ATP6V1A: variants seen among roughly 807,000 people sequenced by gnomAD.
ATP6V1A encodes ATPase H+ transporting V1 subunit A.
ATP6V1A carries 18 observed loss-of-function variants against 70.1 expected under a neutral mutation model. The observed-to-expected ratio is 0.26, with a 90% CI of 0.18 to 0.38. The LOEUF (loss-of-function observed/expected upper bound fraction) is 0.38. Among genes scored for constraint, ATP6V1A ranks in the 10% least tolerant of loss-of-function variants. The pLI, the probability that ATP6V1A is intolerant of heterozygous loss-of-function variation, is 1.00. For synonymous variants in ATP6V1A, 232 were observed against 253.8 expected, an observed-to-expected ratio of 0.91 and a Z score of 0.82; for missense variants, 424 against 772.4, an observed-to-expected ratio of 0.55 and a Z score of 5.35.
At chr3:113,760,157 G>A (rs1227941094) in intron 1 of ATP6V1A, among the ~76,000 whole-genome samples, 1 of 152,154 alleles carries the variant, frequency 6.6e-6, no homozygotes, top group Admixed American at 6.5e-5. Context: ...TAAACTGTTA[G>A]AAACACAGAT....
chr3:113,754,612 A>G (rs1708626515), intron 1 of ATP6V1A, among the ~76,000 whole-genome samples: 2 of 152,096 alleles, frequency 1.3e-5, no homozygotes. Context: ...CAAATTTGGC[A>G]TGTTATTTTT....
intron 1 of ATP6V1A, among the ~76,000 whole-genome samples, chr3:113,750,986 A>G (rs557228348): frequency 6.6e-6 from 1 of 152,280 alleles, no homozygotes; most frequent in East Asian, 1.9e-4. Context: ...TTATTTGGGC[A>G]ACTGCAGTGT....
chr3:113,793,296 C>T (rs1483882140), intron 8 of ATP6V1A, among the ~76,000 whole-genome samples: 1 of 152,138 alleles, frequency 6.6e-6, no homozygotes, highest in Non-Finnish European at 1.5e-5. Flanking sequence ...CTCCTGACCT[C>T]GGGGGATCTG....
chr3:113,778,647 T>C, intron 1 of ATP6V1A, 94 bp from the exon 2 acceptor site: 3 of 565,120 alleles, frequency 5.3e-6, no homozygotes, highest in East Asian at 3.4e-5. Flanking sequence ...ACACCAAAGA[T>C]GAGAGTGGTC....
At chr3:113,766,413 A>G (rs1052069992) in intron 1 of ATP6V1A, among the ~76,000 whole-genome samples, 3 of 151,824 alleles carry the variant, frequency 2.0e-5, no homozygotes, top group Non-Finnish European at 4.4e-5. Context: ...CTCCACTTCA[A>G]CCTCCTAAGT....
Position 113,795,929 on chromosome 3 carries a change from G to C in ATP6V1A, c.1280G>C (p.Gly427Ala), listed in dbSNP as rs1216211715. The C allele has an allele frequency of 1.9e-6, 3 of 1,609,440 alleles. No homozygotes were observed. Among genetic ancestry groups the C allele is most frequent in the African/African-American group, 1.3e-5 (1 of 74,696 alleles). The change falls in exon 11 of 15, where the codon GGT becomes GCT. Residue 427 changes from glycine (G) to alanine (A), a missense_variant. This residue lies in a region of ATP6V1A where 58 missense variants were observed against 181.5 expected (regional missense o/e 0.32). Transcript: ENST00000273398. ...FSDPVTSATL[G>A]IVQVFWGLDK... is the part of the protein sequence containing the mutation. ...GATCCAGTTACATCTGCCACTCTTG[G>C]TATCGTTCAGGTATGTCTTTCCCTA...
intron 5 of ATP6V1A, among the ~76,000 whole-genome samples, chr3:113,785,506 CTTTTTTTTTTT>C (rs987781968): frequency 9.3e-6 from 1 of 107,174 alleles, no homozygotes; most frequent in Admixed American, 1.1e-4. Flanking sequence ...TTTTTCTTTT[CTTTTTTTTTTT>C]TTTTTTTTTG....
chr3:113,795,804 A>G lies in ATP6V1A; in HGVS notation c.1227-72A>G, dbSNP rs577960082. 22 of 1,158,158 alleles carry G rather than the reference A, an allele frequency of 1.9e-5. No homozygotes were observed. In the South Asian group the frequency reaches 2.9e-4, roughly 15 times the overall value. 71.7% of individuals were successfully genotyped at this position (1,158,158 alleles called of 1,614,324 possible). On this transcript the variant is annotated intron_variant, in intron 10 of 14. Transcript: ENST00000273398. ...GACTTTAAAAAAAGTTAACATTTAT[A>G]TATATGTTATTTTTCATAAGCATTT...
intron 12 of ATP6V1A, among the ~76,000 whole-genome samples, chr3:113,800,800 G>C (rs1245471454): frequency 1.3e-5 from 2 of 152,234 alleles, no homozygotes; most frequent in African/African-American, 4.8e-5. Flanking sequence ...TTTAGCAAAG[G>C]CCTACCCTGG....
chr3:113,772,588 C>T (rs898725735), intron 1 of ATP6V1A, among the ~76,000 whole-genome samples: 1 of 151,824 alleles, frequency 6.6e-6, no homozygotes, highest in Non-Finnish European at 1.5e-5. Context: ...ATTAGCCGGG[C>T]GTGGTGGCAG....
At chr3:113,791,277 G>A (rs1350942031) in intron 8 of ATP6V1A, among the ~76,000 whole-genome samples, 1 of 151,788 alleles carries the variant, frequency 6.6e-6, no homozygotes, top group Non-Finnish European at 1.5e-5. Flanking sequence ...TCTTTGTGTT[G>A]CTTCTAATGA....
chr3:113,763,663 A>G (rs1286595138), intron 1 of ATP6V1A, among the ~76,000 whole-genome samples: 2 of 152,148 alleles, frequency 1.3e-5, no homozygotes, highest in African/African-American at 2.4e-5. Context: ...TTCTAATACC[A>G]TATTTTGTTG....
At chr3:113,766,662 A>T (rs963147718) in intron 1 of ATP6V1A, among the ~76,000 whole-genome samples, 1 of 152,158 alleles carries the variant, frequency 6.6e-6, no homozygotes, top group Non-Finnish European at 1.5e-5. Context: ...CTAATTATGT[A>T]CCAAAGGCCT....
chr3:113,748,947 A>G (rs1481755660), intron 1 of ATP6V1A, among the ~76,000 whole-genome samples: 2 of 152,170 alleles, frequency 1.3e-5, no homozygotes, highest in African/African-American at 4.8e-5. Flanking sequence ...AGGAAGTGTT[A>G]CTTCAGTGAC....
At chr3:113,747,427 A>G (rs535233047) in intron 1 of ATP6V1A, 1 of 152,424 alleles carries the variant, frequency 6.6e-6, no homozygotes, top group South Asian at 2.1e-4. Context: ...TCTGCAGTAG[A>G]CATTAGGTCC....
chr3:113,780,965 G>C, intron 2 of ATP6V1A, 85 bp from the exon 3 acceptor site: 1 of 1,486,378 alleles, frequency 6.7e-7, no homozygotes, highest in Non-Finnish European at 9.0e-7. Context: ...CACAATACTG[G>C]GTTTATTGGG....
rs1369344918 is a variant in ATP6V1A at position 113,810,926 on chromosome 3, A to G, written c.*1499A>G. ...TGGCCACAGCAGCATACCAGTTTCC[A>G]TCCTAATAGGAATGAAATTAATTTT... On this transcript the variant is annotated 3_prime_UTR_variant, in exon 15 of 15. Transcript: ENST00000273398. The G allele has an allele frequency of 6.6e-6, 1 of 152,230 alleles. No individual in the cohort carries two copies. The highest frequency in any genetic ancestry group is 1.5e-5 in the Non-Finnish European group (1 of 68,040). The allele number at this position is 152,230 out of a possible 1,614,324, so 9.4% of individuals were successfully genotyped here.
At chr3:113,804,243 T>G (rs1709250984) in intron 13 of ATP6V1A, among the ~76,000 whole-genome samples, 1 of 151,782 alleles carries the variant, frequency 6.6e-6, no homozygotes, top group African/African-American at 2.4e-5. Flanking sequence ...TCCACCCACC[T>G]CGGCCTCCCA....
chr3:113,748,351 A>T (rs932318405), intron 1 of ATP6V1A, among the ~76,000 whole-genome samples: 5 of 152,120 alleles, frequency 3.3e-5, no homozygotes, highest in African/African-American at 1.2e-4. Context: ...TATACTGCAA[A>T]CTCAGAAAAT....
Sources: gnomAD v4.1 joint callset for allele counts (sites outside exome capture counted in the v4.1 genomes callset) on GRCh38, gnomAD v4.1.1 for gene constraint, gnomAD v4.1.1 regional missense constraint, MANE v1.5 for transcripts, NCBI Gene and HGNC (gene_info 2026-07-23, HGNC 2026-07-21) for gene names.